FCHSD2: variants seen among roughly 807,000 people sequenced by gnomAD.
FCHSD2 encodes F-BAR and double SH3 domains protein 2.
A neutral mutation model predicts 108.1 loss-of-function variants in FCHSD2; 38 were observed. The observed-to-expected ratio is 0.35, with a 90% CI of 0.27 to 0.46. The LOEUF is 0.46. Ranked by LOEUF, FCHSD2 falls within the 20% of genes least tolerant of loss-of-function variation. The pLI is 1.00. For missense variants in FCHSD2, 751 were observed against 897.8 expected (o/e 0.84, Z 2.09); for synonymous variants, 279 against 314.7 (o/e 0.89, Z 1.20).
chr11:72,988,509 G>T (rs1449589924), intron 6 of FCHSD2, among the ~76,000 whole-genome samples: 2 of 152,112 alleles, frequency 1.3e-5, no homozygotes, highest in Non-Finnish European at 2.9e-5. Context: ...CTGGGGCAGG[G>T]TTTCTACATG....
intron 3 of FCHSD2, among the ~76,000 whole-genome samples, chr11:73,080,122 G>A (rs1289987743): frequency 6.6e-6 from 1 of 151,486 alleles, no homozygotes; most frequent in Non-Finnish European, 1.5e-5. Flanking sequence ...AACATAGTAA[G>A]ACCCTGTCCC....
intron 2 of FCHSD2, among the ~76,000 whole-genome samples, chr11:73,095,911 A>T (rs77315987): frequency 6.9e-6 from 1 of 145,388 alleles, no homozygotes; most frequent in Non-Finnish European, 1.5e-5. Flanking sequence ...GCTGAGGATT[A>T]AAAAAAAAAA....
chr11:73,020,850 A>G (rs958826694), intron 3 of FCHSD2, among the ~76,000 whole-genome samples: 1 of 152,024 alleles, frequency 6.6e-6, no homozygotes, highest in East Asian at 1.9e-4. Flanking sequence ...ATTTAAATTA[A>G]GTATATATAA....
chr11:72,880,774 G>T (rs1157723148), intron 12 of FCHSD2, among the ~76,000 whole-genome samples: 2 of 151,390 alleles, frequency 1.3e-5, no homozygotes, highest in African/African-American at 4.9e-5. Flanking sequence ...AACTCAGGTG[G>T]GAGGATCACC....
chr11:73,119,700 G>A (rs1014279833), intron 2 of FCHSD2, among the ~76,000 whole-genome samples: 5 of 152,136 alleles, frequency 3.3e-5, no homozygotes, highest in Non-Finnish European at 7.4e-5. Context: ...TCCCACCTTG[G>A]CCTCCCAAAG....
intron 2 of FCHSD2, among the ~76,000 whole-genome samples, chr11:73,104,908 T>C (rs1207526209): frequency 3.3e-5 from 5 of 152,206 alleles, no homozygotes; most frequent in Non-Finnish European, 2.9e-5. Context: ...GGTGAAAATC[T>C]ATATTTTACA....
chr11:72,851,536 C>T (rs1489908762), intron 13 of FCHSD2, among the ~76,000 whole-genome samples: 2 of 152,060 alleles, frequency 1.3e-5, no homozygotes, highest in South Asian at 2.1e-4. Flanking sequence ...GACAGGAGAT[C>T]GAGATCATCC....
At chr11:73,072,171 CCT>C (rs1859452605) in intron 3 of FCHSD2, among the ~76,000 whole-genome samples, 2 of 150,574 alleles carry the variant, frequency 1.3e-5, no homozygotes, top group Admixed American at 6.7e-5. Context: ...TGAATTCTCC[CCT>C]CTCTCCACTC....
intron 2 of FCHSD2, among the ~76,000 whole-genome samples, chr11:73,130,063 A>G (rs1860959109): frequency 6.6e-6 from 1 of 150,540 alleles, no homozygotes; most frequent in African/African-American, 2.4e-5. Flanking sequence ...TTTAGTAGAG[A>G]CGGGGTTTCA....
At chr11:72,941,213 G>C (rs181097667) in intron 8 of FCHSD2, 2 of 271,042 alleles carry the variant, frequency 7.4e-6, no homozygotes, top group Non-Finnish European at 1.4e-5. Flanking sequence ...CAAGGGACCA[G>C]AGGCCACATG....
chr11:72,865,439 A>G (rs1854699930), intron 13 of FCHSD2, among the ~76,000 whole-genome samples: 2 of 152,154 alleles, frequency 1.3e-5, no homozygotes, highest in African/African-American at 4.8e-5. Flanking sequence ...GGGAAGAAAA[A>G]CGTCGGATGG....
intron 3 of FCHSD2, 148 bp from the exon 4 acceptor site, chr11:73,016,033 T>C (rs1335940049): frequency 1.7e-6 from 1 of 581,370 alleles, no homozygotes; most frequent in Admixed American, 3.3e-5. Flanking sequence ...CTGCACGTGG[T>C]GGCTTACACC....
intron 3 of FCHSD2, among the ~76,000 whole-genome samples, chr11:73,064,974 A>G (rs780757275): frequency 2.6e-5 from 4 of 152,222 alleles, no homozygotes. Context: ...TCCAAACAAT[A>G]GAAAAAGAGG....
intron 8 of FCHSD2, among the ~76,000 whole-genome samples, chr11:72,938,193 T>G (rs1465914241): frequency 6.6e-6 from 1 of 151,200 alleles, no homozygotes; most frequent in Non-Finnish European, 1.5e-5. Context: ...TTTTTTTTTT[T>G]TTTTTTTGAG....
chr11:73,058,117 G>A (rs1859073293), intron 3 of FCHSD2, among the ~76,000 whole-genome samples: 1 of 152,072 alleles, frequency 6.6e-6, no homozygotes, highest in African/African-American at 2.4e-5. Context: ...CTGACCTCGT[G>A]CTCCGCCTGC....
At chr11:73,133,297 A>G (rs1861046718) in intron 2 of FCHSD2, among the ~76,000 whole-genome samples, 2 of 152,240 alleles carry the variant, frequency 1.3e-5, no homozygotes, top group Admixed American at 6.5e-5. Flanking sequence ...ACATATATCC[A>G]TACAAAAACT....
intron 8 of FCHSD2, among the ~76,000 whole-genome samples, chr11:72,962,743 C>A (rs1481740791): frequency 4.0e-5 from 6 of 150,730 alleles, no homozygotes; most frequent in African/African-American, 1.2e-4. Context: ...CATCAGGAGC[C>A]AGCACAGGTT....
Position 72,848,611 on chromosome 11 carries a change from T to G in FCHSD2, c.1443+1144A>C, listed in dbSNP as rs148393710. On this transcript the variant is annotated intron_variant, in intron 14 of 19. Coordinates refer to ENST00000409418, the MANE Select transcript of FCHSD2 (RefSeq NM_014824.3). ...TTCATTCTGGCATCCCCCCAGTGTATCACATATTGGGCACTCTATATGTTT... is the reference window on the plus strand; with the variant it reads ...TTCATTCTGGCATCCCCCCAGTGTAGCACATATTGGGCACTCTATATGTTT... 2.7e-3 allele frequency among the ~76,000 whole-genome samples: 414 copies of G among 152,336 alleles called. 8 individuals carry two copies. Among genetic ancestry groups the G allele is most frequent in the Non-Finnish European group, 6.0e-4 (41 of 68,034 alleles).
At position 72,959,220 on chromosome 11, in the gene FCHSD2, C is replaced by CTTTTTTTTTTTTTTTTTT. The variant is rs11408216; in HGVS notation, c.705+24850_705+24867dup. The stretch of plus-strand genomic sequence containing the variant: ...TTTTCCACTTCATATATCCAGCAGT[C>CTTTTTTTTTTTTTTTTTT]TTTTTTTTTTTTTTTTTTTTTTTTT... On this transcript the variant is annotated intron_variant, in intron 8 of 19. Transcript: ENST00000409418. 8.9e-5 allele frequency among the ~76,000 whole-genome samples: 5 copies of CTTTTTTTTTTTTTTTTTT among 56,294 alleles called. 1 individual carries two copies. Among genetic ancestry groups the CTTTTTTTTTTTTTTTTTT allele is most frequent in the African/African-American group, 3.5e-4 (5 of 14,136 alleles). The allele number at this position is 56,294 out of a possible 152,430, so 36.9% of individuals were successfully genotyped here.
Sources: allele counts gnomAD v4.1 joint callset (sites outside exome capture counted in the v4.1 genomes callset), GRCh38; gene constraint gnomAD v4.1.1; transcripts MANE v1.5; gene names NCBI Gene and HGNC (gene_info 2026-07-23, HGNC 2026-07-21).